CHST9: variants seen among roughly 807,000 people sequenced by gnomAD.
CHST9 encodes GalNAc-4-sulfotransferase 2.
CHST9 carries 41 observed loss-of-function variants against 44.4 expected under a neutral mutation model. That is an observed-to-expected ratio of 0.92 (90% CI 0.72 to 1.20). The LOEUF (loss-of-function observed/expected upper bound fraction) is 1.20. Ranked by LOEUF, CHST9 falls within the 50% of genes most tolerant of loss-of-function variation. The pLI, the probability that CHST9 is intolerant of heterozygous loss-of-function variation, is 0.00. For missense variants in CHST9, 504 were observed against 516.5 expected, an observed-to-expected ratio of 0.98 and a Z score of 0.23; for synonymous variants, 171 against 178.4, an observed-to-expected ratio of 0.96 and a Z score of 0.33.
At chr18:27,141,278 T>G (rs1008141475) in intron 2 of CHST9, among the ~76,000 whole-genome samples, 5 of 151,950 alleles carry the variant, frequency 3.3e-5, no homozygotes, top group Non-Finnish European at 7.4e-5. Context: ...GGCAGGAGAA[T>G]GGCGTGAACC....
chr18:26,927,796 T>C (rs2055798784), intron 5 of CHST9, among the ~76,000 whole-genome samples: 1 of 151,974 alleles, frequency 6.6e-6, no homozygotes, highest in African/African-American at 2.4e-5. Flanking sequence ...CCTCTTTTAC[T>C]AATCCTCCTC....
chr18:26,918,381 A>C (rs2055577636), intron 5 of CHST9, among the ~76,000 whole-genome samples: 1 of 152,186 alleles, frequency 6.6e-6, no homozygotes, highest in South Asian at 2.1e-4. Flanking sequence ...TAAATGAATA[A>C]ATTCTGTGCT....
chr18:27,105,052 T>C (rs981761344), intron 2 of CHST9, among the ~76,000 whole-genome samples: 8 of 152,180 alleles, frequency 5.3e-5, no homozygotes, highest in Non-Finnish European at 8.8e-5. Flanking sequence ...TCTCCTCTTC[T>C]CTTTTCCCCT....
In CHST9 at chr18:27,084,669, G is replaced by C. The variant is rs541234703; in HGVS notation, c.122-36166C>G. On this transcript the variant is annotated intron_variant, in intron 2 of 5. Transcript: ENST00000618847. The stretch of plus-strand genomic sequence containing the variant: ...TTTGTTTAGTTCAGCTCTAATTTTG[G>C]TTATTTCTTTTCTTCTGCTAGCTTT... 2.6e-5 allele frequency among the ~76,000 whole-genome samples: 4 copies of C among 151,396 alleles called. No individual in the cohort carries two copies. In the South Asian group the frequency reaches 6.3e-4, roughly 24 times the overall value.
chr18:26,942,431 T>A (rs895674065), intron 5 of CHST9, among the ~76,000 whole-genome samples: 1 of 152,274 alleles, frequency 6.6e-6, no homozygotes, highest in East Asian at 1.9e-4. Flanking sequence ...AGAATTTCAC[T>A]CTCTTATTGA....
intron 5 of CHST9, among the ~76,000 whole-genome samples, chr18:26,939,562 A>C (rs2056050967): frequency 6.6e-6 from 1 of 152,232 alleles, no homozygotes; most frequent in Admixed American, 6.5e-5. Flanking sequence ...GCATGAATGG[A>C]GGTCCACATA....
intron 1 of CHST9, among the ~76,000 whole-genome samples, chr18:27,153,544 C>CTTTGTGTGTG (rs748908317): frequency 8.4e-5 from 8 of 95,426 alleles, no homozygotes; most frequent in Non-Finnish European, 1.8e-4. Context: ...CTCTCTCTCT[C>CTTTGTGTGTG]TCTGTGTGTG....
In CHST9 at chr18:27,048,562, A is replaced by G. The variant is rs1033668990; in HGVS notation, c.122-59T>C. ...GGAGTCATGAGAATATGATGAAAAT[A>G]AGATGAAAGCCCAGTTTACAGCAAT... On this transcript the variant is annotated intron_variant, in intron 2 of 5. Transcript: ENST00000618847. The G allele has an allele frequency of 3.5e-6, 5 of 1,421,424 alleles. No homozygotes were observed. The Middle Eastern group carries it at 5.3e-4, about 151-fold the overall frequency. 88.1% of individuals were successfully genotyped at this position (1,421,424 alleles called of 1,614,324 possible).
At chr18:27,033,232 G>A (rs546920889) in intron 3 of CHST9, among the ~76,000 whole-genome samples, 2 of 152,308 alleles carry the variant, frequency 1.3e-5, no homozygotes, top group Non-Finnish European at 2.9e-5. Flanking sequence ...CTTGCTATCA[G>A]TTCCTGTCAC....
At chr18:27,061,470 T>C (rs1405554618) in intron 2 of CHST9, among the ~76,000 whole-genome samples, 2 of 152,172 alleles carry the variant, frequency 1.3e-5, no homozygotes, top group African/African-American at 2.4e-5. Flanking sequence ...TCTTGCTCTC[T>C]TTCACACACA....
intron 3 of CHST9, among the ~76,000 whole-genome samples, chr18:27,040,074 G>A (rs1437992873): frequency 1.3e-5 from 2 of 152,156 alleles, no homozygotes; most frequent in Admixed American, 1.3e-4. Flanking sequence ...TTTCTATACA[G>A]TGTGAAATGT....
chr18:26,973,635 T>G (rs1012024345), intron 4 of CHST9, among the ~76,000 whole-genome samples: 1 of 152,270 alleles, frequency 6.6e-6, no homozygotes, highest in Admixed American at 6.5e-5. Flanking sequence ...ATTTTACGTG[T>G]GGCTCAAGAT....
intron 1 of CHST9, among the ~76,000 whole-genome samples, chr18:27,162,477 C>T (rs531410705): frequency 1.3e-4 from 20 of 152,226 alleles, no homozygotes; most frequent in African/African-American, 3.4e-4. Flanking sequence ...CCAAGAGATC[C>T]GCTGTTAGTC....
intron 2 of CHST9, among the ~76,000 whole-genome samples, chr18:27,096,498 T>C (rs1246992693): frequency 2.0e-5 from 3 of 151,884 alleles, no homozygotes; most frequent in African/African-American, 7.3e-5. Flanking sequence ...CAAAAGTTGG[T>C]TCTCTGAAAG....
Position 26,917,239 on chromosome 18 carries a change from C to A in CHST9, c.352G>T (p.Asp118Tyr), listed in dbSNP as rs775158332. 11 of 1,613,836 alleles carry A rather than the reference C, an allele frequency of 6.8e-6. No homozygotes were observed. The highest frequency in any genetic ancestry group is 3.4e-6 in the Non-Finnish European group (4 of 1,179,822). Residue 118 changes from aspartate (D) to tyrosine (Y), a missense_variant, in exon 6 of 6, where the codon GAT (aspartate) becomes TAT (tyrosine). Asp to Tyr is a radical substitution (Grantham distance 160). Coordinates refer to ENST00000618847, the MANE Select transcript of CHST9 (RefSeq NM_031422.6). Reference protein sequence around the residue: ...LTKTSHSQGGDQALSKSTGSP... With the variant: ...LTKTSHSQGGYQALSKSTGSP... ...CCTGTGGACTTACTTAAAGCTTGATCCCCTCCTTGTGAATGACTGGTCTTT... is the reference window on the plus strand; with the variant it reads ...CCTGTGGACTTACTTAAAGCTTGATACCCTCCTTGTGAATGACTGGTCTTT...
At chr18:27,044,000 T>C (rs182176214) in intron 3 of CHST9, among the ~76,000 whole-genome samples, 1 of 152,176 alleles carries the variant, frequency 6.6e-6, no homozygotes, top group East Asian at 1.9e-4. Flanking sequence ...TTTCATTAAC[T>C]ATTAGGTGTT....
intron 2 of CHST9, among the ~76,000 whole-genome samples, chr18:27,068,559 G>C (rs2057806236): frequency 6.6e-6 from 1 of 152,148 alleles, no homozygotes; most frequent in Admixed American, 6.5e-5. Flanking sequence ...TTTTTCTAGA[G>C]TAATTTGCAT....
At chr18:27,060,292 A>G (rs2057706447) in intron 2 of CHST9, among the ~76,000 whole-genome samples, 1 of 152,228 alleles carries the variant, frequency 6.6e-6, no homozygotes, top group African/African-American at 2.4e-5. Flanking sequence ...CCTGTACCTA[A>G]TAATAGAGAC....
intron 3 of CHST9, among the ~76,000 whole-genome samples, chr18:27,029,433 T>C (rs1380281993): frequency 6.6e-6 from 1 of 152,012 alleles, no homozygotes; most frequent in Non-Finnish European, 1.5e-5. Context: ...GATGCAATGG[T>C]CCCATGGGGA....
Sources: gnomAD v4.1 joint callset for allele counts (sites outside exome capture counted in the v4.1 genomes callset) on GRCh38, gnomAD v4.1.1 for gene constraint, MANE v1.5 for transcripts, NCBI Gene and HGNC (gene_info 2026-07-23, HGNC 2026-07-21) for gene names.